The following SUPT3H variants were observed in gnomAD, a reference collection of about 807,000 sequenced individuals.
SUPT3H encodes transcription initiation protein SPT3 homolog.
Under a neutral mutation model 44.3 loss-of-function variants are expected in SUPT3H, and 44 were observed. The observed-to-expected ratio is 0.99, with a 90% CI of 0.78 to 1.28. SUPT3H has a LOEUF of 1.28. Among genes scored for constraint, SUPT3H ranks in the 50% most tolerant of loss-of-function variants. The probability of loss-of-function intolerance (pLI) is 0.00; values close to 1 mark genes in which losing one functional copy is unlikely to be tolerated. For missense variants in SUPT3H, 380 were observed against 387.1 expected (o/e 0.98, Z 0.15); for synonymous variants, 124 against 125.6 (o/e 0.99, Z 0.09).
chr6:44,838,031 A>G (rs555525741), intron 10 of SUPT3H, among the ~76,000 whole-genome samples: 39 of 152,342 alleles, frequency 2.6e-4, no homozygotes, highest in African/African-American at 9.1e-4. Context: ...CCAATGGTCA[A>G]CACCAATTTG....
intron 2 of SUPT3H, among the ~76,000 whole-genome samples, chr6:45,179,244 C>G (rs1812638174): frequency 6.6e-6 from 1 of 152,128 alleles, no homozygotes; most frequent in Non-Finnish European, 1.5e-5. Flanking sequence ...CAATAGCTTA[C>G]CAACCAAAAA....
At chr6:44,833,489 G>A (rs1421429111) in intron 10 of SUPT3H, among the ~76,000 whole-genome samples, 1 of 151,958 alleles carries the variant, frequency 6.6e-6, no homozygotes, top group Admixed American at 6.6e-5. Flanking sequence ...GAGAAAGGAG[G>A]GAGAAAACAA....
chr6:44,979,468 CAAA>C (rs1408592387), intron 6 of SUPT3H, among the ~76,000 whole-genome samples: 1 of 151,866 alleles, frequency 6.6e-6, no homozygotes, highest in Admixed American at 6.6e-5. Flanking sequence ...TAAACCATGA[CAAA>C]ATACTCTTTC....
intron 2 of SUPT3H, among the ~76,000 whole-genome samples, chr6:45,172,642 A>C (rs1347316779): frequency 1.3e-5 from 2 of 149,232 alleles, no homozygotes; most frequent in East Asian, 2.0e-4. Flanking sequence ...CCCAGGCTGG[A>C]GTGCAGTGGC....
intron 2 of SUPT3H, chr6:45,328,239 A>G: frequency 7.7e-7 from 1 of 1,304,222 alleles, no homozygotes; most frequent in Non-Finnish European, 1.0e-6. Flanking sequence ...CTGTGAGGTC[A>G]CAAACCACAT....
chr6:44,903,663 C>A (rs1050286880), intron 10 of SUPT3H, among the ~76,000 whole-genome samples: 1 of 152,168 alleles, frequency 6.6e-6, no homozygotes, highest in African/African-American at 2.4e-5. Flanking sequence ...AAGAGGGAAT[C>A]CTCCCTAACT....
chr6:45,177,252 T>G (rs977094936), intron 2 of SUPT3H, among the ~76,000 whole-genome samples: 1 of 152,012 alleles, frequency 6.6e-6, no homozygotes, highest in African/African-American at 2.4e-5. Flanking sequence ...AAACCAAGGC[T>G]CAAGAACTTC....
intron 2 of SUPT3H, among the ~76,000 whole-genome samples, chr6:45,148,239 A>C (rs1457542239): frequency 6.6e-6 from 1 of 152,176 alleles, no homozygotes; most frequent in East Asian, 1.9e-4. Context: ...ATTCTATTTT[A>C]AACTTGTATG....
intron 2 of SUPT3H, among the ~76,000 whole-genome samples, chr6:45,324,629 T>C (rs1391953865): frequency 6.6e-6 from 1 of 150,596 alleles, no homozygotes; most frequent in Non-Finnish European, 1.5e-5. Context: ...GAGAGAGAGA[T>C]AGGGAGAGGG....
intron 2 of SUPT3H, among the ~76,000 whole-genome samples, chr6:45,182,017 C>G (rs1813339465): frequency 6.6e-6 from 1 of 152,016 alleles, no homozygotes; most frequent in Non-Finnish European, 1.5e-5. Context: ...TAAGCCCATC[C>G]TTTTTCTCTG....
intron 3 of SUPT3H, among the ~76,000 whole-genome samples, chr6:45,062,555 G>A (rs373528245): frequency 3.9e-5 from 6 of 152,208 alleles, no homozygotes; most frequent in Non-Finnish European, 8.8e-5. Context: ...GGTACCGGGT[G>A]CATCTCACTA....
intron 2 of SUPT3H, among the ~76,000 whole-genome samples, chr6:45,246,007 A>C (rs372254533): frequency 1.3e-5 from 2 of 152,006 alleles, no homozygotes; most frequent in Non-Finnish European, 2.9e-5. Flanking sequence ...TTTGATTTGC[A>C]TTTGTCTAAG....
intron 10 of SUPT3H, among the ~76,000 whole-genome samples, chr6:44,879,098 G>A (rs1398270409): frequency 6.6e-6 from 1 of 152,140 alleles, no homozygotes; most frequent in African/African-American, 2.4e-5. Flanking sequence ...CCTGGAAAGG[G>A]GGCTGAAGCC....
intron 2 of SUPT3H, among the ~76,000 whole-genome samples, chr6:45,137,266 C>T (rs1348754381): frequency 6.6e-6 from 1 of 151,946 alleles, no homozygotes; most frequent in Non-Finnish European, 1.5e-5. Context: ...ACAAGTCCTT[C>T]ATTTTGAAAG....
At chr6:45,194,904 ATC>A (rs1458915151) in intron 2 of SUPT3H, among the ~76,000 whole-genome samples, 1 of 152,168 alleles carries the variant, frequency 6.6e-6, no homozygotes, top group Non-Finnish European at 1.5e-5. Flanking sequence ...AGACAAATTT[ATC>A]TGTTTCTAGG....
chr6:45,006,129 T>C (rs1254507680), intron 5 of SUPT3H, among the ~76,000 whole-genome samples: 1 of 152,140 alleles, frequency 6.6e-6, no homozygotes, highest in Non-Finnish European at 1.5e-5. Flanking sequence ...GCTTGCATGA[T>C]GCTAATATTG....
intron 2 of SUPT3H, among the ~76,000 whole-genome samples, chr6:45,207,633 G>T (rs188243517): frequency 2.6e-5 from 4 of 152,182 alleles, no homozygotes; most frequent in Admixed American, 2.6e-4. Context: ...GTCATGTTTT[G>T]ATAATTCTCA....
At chr6:45,119,184 A>T (rs1022894108) in intron 2 of SUPT3H, among the ~76,000 whole-genome samples, 96 of 152,274 alleles carry the variant, frequency 6.3e-4, no homozygotes, top group African/African-American at 2.1e-3. Context: ...TCCCACTCCT[A>T]GATGCTTCCA....
intron 6 of SUPT3H, among the ~76,000 whole-genome samples, chr6:45,000,298 T>C (rs1781849206): frequency 6.6e-6 from 1 of 152,086 alleles, no homozygotes; most frequent in Non-Finnish European, 1.5e-5. Context: ...TTATGTAAGA[T>C]ATTTTTGGAC....
Sources: gnomAD v4.1 joint callset for allele counts (sites outside exome capture counted in the v4.1 genomes callset) on GRCh38, gnomAD v4.1.1 for gene constraint, MANE v1.5 for transcripts, NCBI Gene and HGNC (gene_info 2026-07-23, HGNC 2026-07-21) for gene names.